Variants in RGS6 observed in about 807,000 individuals in gnomAD.
The protein encoded by RGS6 is regulator of G protein signaling 6.
Under a neutral mutation model 78.5 loss-of-function variants are expected in RGS6, and 30 were observed. That is an observed-to-expected ratio of 0.38 (90% CI 0.29 to 0.52). The LOEUF is 0.52. Ranked by LOEUF, RGS6 falls within the 20% of genes least tolerant of loss-of-function variation. The pLI is 0.85. For synonymous variants in RGS6, 206 were observed against 206.0 expected (o/e 1.00, Z 0.00); for missense variants, 495 against 609.7 (o/e 0.81, Z 1.98).
intron 2 of RGS6, among the ~76,000 whole-genome samples, chr14:72,134,353 T>C (rs1375702023): frequency 6.6e-6 from 1 of 152,250 alleles, no homozygotes; most frequent in Admixed American, 6.5e-5. Flanking sequence ...TTAGGAATGA[T>C]GTTGACCATT....
At chr14:71,983,307 T>C (rs2094545543) in intron 2 of RGS6, among the ~76,000 whole-genome samples, 1 of 152,234 alleles carries the variant, frequency 6.6e-6, no homozygotes, top group African/African-American at 2.4e-5. Context: ...AAAGAAGCTT[T>C]ACCTGGAGGA....
intron 17 of RGS6, chr14:72,540,975 A>T (rs2097317749): frequency 7.9e-7 from 1 of 1,260,784 alleles, no homozygotes; most frequent in Non-Finnish European, 1.0e-6. Flanking sequence ...GTAGAACAAC[A>T]CAGGCCAATC....
At chr14:72,339,852 G>C (rs538505708) in intron 2 of RGS6, among the ~76,000 whole-genome samples, 1 of 152,328 alleles carries the variant, frequency 6.6e-6, no homozygotes, top group South Asian at 2.1e-4. Context: ...ACACAAGGAA[G>C]AGGTTTGTCC....
At chr14:71,895,860 G>C in the RGS6 span, among the ~76,000 whole-genome samples, 14 of 152,088 alleles carry the variant, frequency 9.2e-5, no homozygotes, top group African/African-American at 3.1e-4. Context: ...TGCAGTAGAG[G>C]GCTCTCACCA....
chr14:72,497,585 C>T (rs972846044), intron 13 of RGS6, among the ~76,000 whole-genome samples: 1 of 152,068 alleles, frequency 6.6e-6, no homozygotes, highest in African/African-American at 2.4e-5. Flanking sequence ...AAAACATCAT[C>T]GATTTAAACA....
At chr14:72,387,678 G>C (rs1596579566) in intron 3 of RGS6, among the ~76,000 whole-genome samples, 1 of 152,082 alleles carries the variant, frequency 6.6e-6, no homozygotes, top group African/African-American at 2.4e-5. Context: ...TTTCTATTCT[G>C]TCTTCCACAA....
chr14:72,334,682 T>C (rs1158946659), intron 2 of RGS6, among the ~76,000 whole-genome samples: 1 of 152,162 alleles, frequency 6.6e-6, no homozygotes, highest in Non-Finnish European at 1.5e-5. Flanking sequence ...AGGAAAGTGG[T>C]GTCCCTGAAA....
chr14:72,011,492 ACAGCTTTGAAGG>A (rs2085706952), intron 2 of RGS6, among the ~76,000 whole-genome samples: 1 of 152,168 alleles, frequency 6.6e-6, no homozygotes, highest in Non-Finnish European at 1.5e-5. Flanking sequence ...TGAGTGGAAT[ACAGCTTTGAAGG>A]CAATTCCAGA....
intron 2 of RGS6, among the ~76,000 whole-genome samples, chr14:72,139,602 A>C (rs1407923292): frequency 6.6e-6 from 1 of 152,246 alleles, no homozygotes; most frequent in Non-Finnish European, 1.5e-5. Context: ...TGAGCATTAA[A>C]ATATAAGGAA....
chr14:72,066,234 C>G (rs2094138767), intron 2 of RGS6, among the ~76,000 whole-genome samples: 1 of 152,068 alleles, frequency 6.6e-6, no homozygotes, highest in Non-Finnish European at 1.5e-5. Flanking sequence ...GGGAACGGGT[C>G]ACTGGAGATT....
intron 2 of RGS6, among the ~76,000 whole-genome samples, chr14:72,160,376 TA>T (rs1320339029): frequency 6.6e-6 from 1 of 152,214 alleles, no homozygotes; most frequent in African/African-American, 2.4e-5. Context: ...AGGAGAGGAC[TA>T]CTATTTGATT....
At chr14:72,473,176 G>C (rs1312493759) in intron 9 of RGS6, among the ~76,000 whole-genome samples, 1 of 152,224 alleles carries the variant, frequency 6.6e-6, no homozygotes, top group African/African-American at 2.4e-5. Context: ...GGGCATGGCG[G>C]CTCACGCCTG....
At chr14:72,522,727 C>T (rs2097063657) in intron 15 of RGS6, among the ~76,000 whole-genome samples, 1 of 152,100 alleles carries the variant, frequency 6.6e-6, no homozygotes, top group Non-Finnish European at 1.5e-5. Context: ...CTGTTCTTCG[C>T]TCATGGGATG....
intron 2 of RGS6, among the ~76,000 whole-genome samples, chr14:72,245,791 C>G (rs1170655617): frequency 6.6e-6 from 1 of 152,116 alleles, no homozygotes; most frequent in African/African-American, 2.4e-5. Flanking sequence ...TTTATGCTAG[C>G]TTGAGTGAAG....
chr14:72,162,522 T>TC (rs2096866886), intron 2 of RGS6, among the ~76,000 whole-genome samples: 1 of 152,126 alleles, frequency 6.6e-6, no homozygotes, highest in African/African-American at 2.4e-5. Context: ...CAGGAGATGG[T>TC]CCCTGAGGTA....
intron 2 of RGS6, among the ~76,000 whole-genome samples, chr14:72,207,127 T>C (rs2042908464): frequency 6.6e-6 from 1 of 152,216 alleles, no homozygotes; most frequent in African/African-American, 2.4e-5. Flanking sequence ...AAAAGAACCA[T>C]GTAATCTCTC....
chr14:72,259,267 C>G (rs2057669824), intron 2 of RGS6, among the ~76,000 whole-genome samples: 1 of 152,092 alleles, frequency 6.6e-6, no homozygotes, highest in Admixed American at 6.5e-5. Context: ...ATCAGATGAT[C>G]AGTTAATATT....
At chr14:72,179,665 CT>C in intron 2 of RGS6, among the ~76,000 whole-genome samples, 1 of 118,468 alleles carries the variant, frequency 8.4e-6, no homozygotes. Context: ...CCCCCACCCC[CT>C]GTACTGTTAA....
chr14:72,415,848 A>C (rs572580356), intron 3 of RGS6, among the ~76,000 whole-genome samples: 13 of 152,298 alleles, frequency 8.5e-5, no homozygotes, highest in African/African-American at 3.1e-4. Context: ...ATAAGAACTA[A>C]AAGCATAAAA....
Sources: gnomAD v4.1 joint callset for allele counts (sites outside exome capture counted in the v4.1 genomes callset) on GRCh38, gnomAD v4.1.1 for gene constraint, MANE v1.5 for transcripts, NCBI Gene and HGNC (gene_info 2026-07-23, HGNC 2026-07-21) for gene names.